ALK: variants seen among roughly 807,000 people sequenced by gnomAD.
ALK encodes the protein ALK receptor tyrosine kinase, also known as ALK tyrosine kinase receptor.
ALK carries 74 observed loss-of-function variants against 163.1 expected under a neutral mutation model. That is an observed-to-expected ratio of 0.45 (90% CI 0.38 to 0.55). The LOEUF (loss-of-function observed/expected upper bound fraction) is 0.55, where lower values mean the gene tolerates loss of function less well. Ranked by LOEUF, ALK falls within the 20% of genes least tolerant of loss-of-function variation. ALK has a pLI of 0.00. For synonymous variants in ALK, 960 were observed against 843.2 expected (o/e 1.14, Z -2.40); for missense variants, 2,063 against 2,105.3 (o/e 0.98, Z 0.39).
At chr2:29,340,658 C>T (rs550027543) in intron 5 of ALK, among the ~76,000 whole-genome samples, 10 of 152,206 alleles carry the variant, frequency 6.6e-5, no homozygotes, top group South Asian at 6.2e-4. Flanking sequence ...GCTTTATGAG[C>T]GTTATTTTAT....
intron 4 of ALK, among the ~76,000 whole-genome samples, chr2:29,484,057 A>T (rs1671725654): frequency 6.6e-6 from 1 of 152,156 alleles, no homozygotes; most frequent in Non-Finnish European, 1.5e-5. Context: ...AGATCTTGTG[A>T]TACTTATTCA....
chr2:29,201,479 TAACTCTACATTCAAGATAG>T (rs764867624), intron 26 of ALK, among the ~76,000 whole-genome samples: 11 of 152,090 alleles, frequency 7.2e-5, no homozygotes, highest in Non-Finnish European at 1.6e-4. Flanking sequence ...GCAGTCCTGT[TAACTCTACATTCAAGATAG>T]ATCTTGAGGC....
Position 29,735,413 on chromosome 2 carries a change from CAACTT to C in ALK, c.668-17721_668-17717del, listed in dbSNP as rs530136337. 4.4e-3 allele frequency among the ~76,000 whole-genome samples: 667 copies of C among 152,152 alleles called. 9 individuals are homozygous for C. The highest frequency in any genetic ancestry group is 0.015 in the African/African-American group (605 of 41,446). On this transcript the variant is annotated intron_variant, in intron 1 of 28. Transcript: ENST00000389048. ...TAATAAATGCTATCTTAGTTGGAAA[CAACTT>C]AAATATCTAGCAATAGGTTAAATGA...
intron 26 of ALK, among the ~76,000 whole-genome samples, chr2:29,205,616 C>T (rs765078874): frequency 2.0e-5 from 3 of 152,158 alleles, no homozygotes; most frequent in Non-Finnish European, 4.4e-5. Context: ...GGCTGCGGGA[C>T]CTCCTTGACT....
intron 1 of ALK, 122 bp downstream of exon 1, chr2:29,919,871 G>A: frequency 1.6e-6 from 2 of 1,227,120 alleles, no homozygotes; most frequent in Non-Finnish European, 2.3e-6. Flanking sequence ...CGGGAGGAAG[G>A]AGGGCGATGA....
At chr2:29,646,263 C>T (rs1464624918) in intron 3 of ALK, among the ~76,000 whole-genome samples, 2 of 152,188 alleles carry the variant, frequency 1.3e-5, no homozygotes, top group South Asian at 2.1e-4. Context: ...CTTTCTCTCA[C>T]ATTCTATGTC....
At chr2:29,778,907 G>A (rs1681255293) in intron 1 of ALK, among the ~76,000 whole-genome samples, 2 of 152,216 alleles carry the variant, frequency 1.3e-5, no homozygotes, top group Non-Finnish European at 1.5e-5. Context: ...TGTAATCCCA[G>A]CACTTTGGGA....
chr2:29,572,421 T>G (rs188406637), intron 3 of ALK, among the ~76,000 whole-genome samples: 2 of 152,308 alleles, frequency 1.3e-5, no homozygotes, highest in Admixed American at 1.3e-4. Flanking sequence ...AGCAGCACAC[T>G]TCTTGCAGTC....
At chr2:29,461,219 T>C (rs1219094738) in intron 4 of ALK, among the ~76,000 whole-genome samples, 1 of 152,204 alleles carries the variant, frequency 6.6e-6, no homozygotes, top group Non-Finnish European at 1.5e-5. Context: ...CAACAAGCCA[T>C]GTCCATAACA....
chr2:29,501,159 C>T (rs1459621096), intron 4 of ALK, among the ~76,000 whole-genome samples: 4 of 152,204 alleles, frequency 2.6e-5, no homozygotes, highest in Non-Finnish European at 5.9e-5. Context: ...CCTTCTAGAA[C>T]ATCTCTTCAG....
rs1669896767 is a variant in ALK at position 29,416,989 on chromosome 2, T to G, written c.1155-33130A>C. On this transcript the variant is annotated intron_variant, in intron 4 of 28. Coordinates refer to ENST00000389048, the MANE Select transcript of ALK (RefSeq NM_004304.5). The stretch of plus-strand genomic sequence containing the variant: ...TATAGATGTTTGATGCTTTTTTTTT[T>G]TTTTTTTTTTTTTTTTGAGATGGAG... Among the ~76,000 whole-genome samples the G allele has an allele frequency of 2.2e-5, 3 of 135,134 alleles. No individual in the cohort carries two copies. In the South Asian group the frequency reaches 7.9e-4, roughly 36 times the overall value. The allele number at this position is 135,134 out of a possible 152,430, so 88.7% of individuals were successfully genotyped here.
At chr2:29,293,136 A>T (rs1666082882) in intron 9 of ALK, among the ~76,000 whole-genome samples, 1 of 152,250 alleles carries the variant, frequency 6.6e-6, no homozygotes. Context: ...GATGGGACAC[A>T]GGTGTTGCTC....
At chr2:29,843,900 C>G (rs1365688650) in intron 1 of ALK, among the ~76,000 whole-genome samples, 1 of 152,188 alleles carries the variant, frequency 6.6e-6, no homozygotes, top group African/African-American at 2.4e-5. Context: ...GATCCAGCAC[C>G]TGCCCTCATG....
At chr2:29,396,347 C>A (rs1399625009) in intron 4 of ALK, among the ~76,000 whole-genome samples, 1 of 152,132 alleles carries the variant, frequency 6.6e-6, no homozygotes, top group Admixed American at 6.5e-5. Context: ...GAGGAGGGGT[C>A]CATTCTACAC....
At chr2:29,604,761 T>C (rs1032584588) in intron 3 of ALK, among the ~76,000 whole-genome samples, 4 of 152,236 alleles carry the variant, frequency 2.6e-5, no homozygotes, top group African/African-American at 9.6e-5. Flanking sequence ...TCTTGCTTTG[T>C]TCTGCTCACA....
rs145827440 is a variant in ALK at position 29,519,472 on chromosome 2, C to A, written c.1154+12443G>T. Among the ~76,000 whole-genome samples the A allele has an allele frequency of 7.8e-4, 118 of 152,224 alleles. 1 individual carries two copies. Among genetic ancestry groups the A allele is most frequent in the African/African-American group, 2.6e-3 (109 of 41,526 alleles). On this transcript the variant is annotated intron_variant, in intron 4 of 28. Coordinates refer to ENST00000389048, the MANE Select transcript of ALK (RefSeq NM_004304.5). ...ATGGGTGAAGGCCAAGAACTAAGGA[C>A]CTTGGGTATATGATGAAATACAGGA...
chr2:29,798,699 A>G (rs1279965913), intron 1 of ALK, among the ~76,000 whole-genome samples: 1 of 152,252 alleles, frequency 6.6e-6, no homozygotes, highest in African/African-American at 2.4e-5. Flanking sequence ...GTAGGATGAT[A>G]ATAACCCAAA....
At chr2:29,400,164 AT>A (rs1056651906) in intron 4 of ALK, among the ~76,000 whole-genome samples, 8 of 151,910 alleles carry the variant, frequency 5.3e-5, no homozygotes, top group African/African-American at 1.4e-4. Context: ...CATTTAAAAG[AT>A]TTTTTTTCGT....
chr2:29,786,954 C>T (rs1232414466), intron 1 of ALK, among the ~76,000 whole-genome samples: 1 of 152,166 alleles, frequency 6.6e-6, no homozygotes, highest in East Asian at 1.9e-4. Context: ...CACCACCACG[C>T]CTGGCTAATT....
Sources: allele counts gnomAD v4.1 joint callset (sites outside exome capture counted in the v4.1 genomes callset), GRCh38; gene constraint gnomAD v4.1.1; transcripts MANE v1.5; gene names NCBI Gene and HGNC (gene_info 2026-07-23, HGNC 2026-07-21).